The following CCNB1 variants were observed in gnomAD, a reference collection of about 807,000 sequenced individuals.
CCNB1 encodes cyclin B1, also known as G2/mitotic-specific cyclin-B1.
Under a neutral mutation model 44.4 loss-of-function variants are expected in CCNB1, and 26 were observed. The observed-to-expected ratio is 0.59, with a 90% CI of 0.43 to 0.81. CCNB1 has a LOEUF of 0.81. Ranked by LOEUF, CCNB1 falls within the 40% of genes least tolerant of loss-of-function variation. The probability of loss-of-function intolerance (pLI) is 0.00; values close to 1 mark genes in which losing one functional copy is unlikely to be tolerated. For synonymous variants in CCNB1, 195 were observed against 181.4 expected (o/e 1.08, Z -0.60); for missense variants, 477 against 520.9 (o/e 0.92, Z 0.82).
Position 69,171,318 on chromosome 5 carries a change from G to C in CCNB1, c.412G>C (p.Ala138Pro), listed in dbSNP as rs1224023055. The change falls in exon 4 of 9, where the codon GCA becomes CCA. Residue 138 changes from alanine (A) to proline (P), a missense_variant. By Grantham distance (27) the Ala-to-Pro change is conservative. Transcript: ENST00000256442. ...AATGGAAACATCTGGATGTGCCCCT[G>C]CAGAAGAAGACCTGTGTCAGGCTTT... ...SPMETSGCAP[A>P]EEDLCQAFSD... is the part of the protein sequence containing the mutation. 1 of 1,613,764 alleles carries C rather than the reference G, an allele frequency of 6.2e-7. No individual in the cohort carries two copies. The highest frequency in any genetic ancestry group is 8.5e-7 in the Non-Finnish European group (1 of 1,179,884).
intron 4 of CCNB1, among the ~76,000 whole-genome samples, chr5:69,172,454 AC>A: frequency 6.6e-6 from 1 of 151,978 alleles, no homozygotes; most frequent in Non-Finnish European, 1.5e-5. Flanking sequence ...ATGAGGTATC[AC>A]CATATTGGCC....
At chr5:69,169,713 T>G (rs1747416313) in intron 3 of CCNB1, among the ~76,000 whole-genome samples, 2 of 152,014 alleles carry the variant, frequency 1.3e-5, no homozygotes, top group South Asian at 4.1e-4. Context: ...AGTGCAGTGG[T>G]GCCATCTTGG....
At position 69,171,322 on chromosome 5, in the gene CCNB1, A is replaced by T; in HGVS notation, c.416A>T (p.Glu139Val). 6.2e-7 allele frequency: 1 copy of T among 1,613,960 alleles called. No individual in the cohort carries two copies. Among genetic ancestry groups the T allele is most frequent in the Non-Finnish European group, 8.5e-7 (1 of 1,179,932 alleles). The stretch of plus-strand genomic sequence containing the variant: ...GAAACATCTGGATGTGCCCCTGCAG[A>T]AGAAGACCTGTGTCAGGCTTTCTCT... ...PMETSGCAPA[E>V]EDLCQAFSDV... The change falls in exon 4 of 9, where the codon GAA (glutamate) becomes GTA (valine). Residue 139 changes from glutamate (E) to valine (V), a missense_variant. By Grantham distance (121) the Glu-to-Val change is moderately radical. Transcript: ENST00000256442.
intron 4 of CCNB1, among the ~76,000 whole-genome samples, chr5:69,173,707 A>G (rs1215559004): frequency 6.6e-6 from 1 of 152,198 alleles, no homozygotes; most frequent in Non-Finnish European, 1.5e-5. Context: ...GGTGAAGAAT[A>G]TCGTAAGACC....
At chr5:69,169,717 A>T (rs1747416527) in intron 3 of CCNB1, among the ~76,000 whole-genome samples, 1 of 151,740 alleles carries the variant, frequency 6.6e-6, no homozygotes. Flanking sequence ...CAGTGGTGCC[A>T]TCTTGGCTCA....
At position 69,174,858 on chromosome 5, in the gene CCNB1, A is replaced by G; in HGVS notation, c.706-19A>G. ...CCTTTTCAAACATTTTATTCACCCT[A>G]TTGAAATTCCCATTGCAGAATAATT... On this transcript the variant is annotated intron_variant, in intron 5 of 8. Coordinates refer to ENST00000256442, the MANE Select transcript of CCNB1 (RefSeq NM_031966.4). The G allele has an allele frequency of 6.3e-7, 1 of 1,588,226 alleles. No homozygotes were observed. The highest frequency in any genetic ancestry group is 8.6e-7 in the Non-Finnish European group (1 of 1,156,442).
At chr5:69,175,190 A>G in intron 6 of CCNB1, 77 bp downstream of exon 6, 1 of 1,163,826 alleles carries the variant, frequency 8.6e-7, no homozygotes, top group Non-Finnish European at 1.3e-6. Flanking sequence ...CGTTGAATTC[A>G]ACTGACCTGT....
At chr5:69,175,235 G>T in intron 6 of CCNB1, 122 bp downstream of exon 6, 1 of 1,031,688 alleles carries the variant, frequency 9.7e-7, no homozygotes, top group Non-Finnish European at 1.5e-6. Flanking sequence ...GGATAAAGTT[G>T]TTCTTTATTT....
In CCNB1 at chr5:69,171,452, GGTAA is replaced by G. The variant is rs1210750016; in HGVS notation, c.546+4_546+7del. 3 of 1,591,050 alleles carry G rather than the reference GGTAA, an allele frequency of 1.9e-6. No individual in the cohort carries two copies. The highest frequency in any genetic ancestry group is 1.7e-6 in the Non-Finnish European group (2 of 1,170,264). On this transcript the variant is annotated splice_donor_variant and splice_donor_region_variant and intron_variant, in intron 4 of 8. Transcript: ENST00000256442. LOFTEE classifies it high-confidence loss of function. ...TTTATGCTTATCTGAGACAACTTGA[GGTAA>G]GTATTATCATTCGTTTTTTTTCTAA...
intron 7 of CCNB1, 118 bp from the exon 8 acceptor site, chr5:69,177,121 G>T: frequency 1.8e-6 from 1 of 549,254 alleles, no homozygotes; most frequent in South Asian, 2.8e-5. Flanking sequence ...TTAAATTTCA[G>T]TTATATTAAT....
rs1227461536 is a variant in CCNB1, at chr5:69,177,635, G to A, written c.*4G>A. ...CAAGGCTGTGGCAAAGGTGTAACTT[G>A]TAAACTTGAGTTGGAGTACTATATT... On this transcript the variant is annotated 3_prime_UTR_variant, in exon 9 of 9. Coordinates refer to ENST00000256442, the MANE Select transcript of CCNB1 (RefSeq NM_031966.4). The A allele has an allele frequency of 6.4e-7, 1 of 1,557,132 alleles. No homozygotes were observed. Among genetic ancestry groups the A allele is most frequent in the Non-Finnish European group, 8.9e-7 (1 of 1,129,358 alleles).
At chr5:69,177,056 A>G in intron 7 of CCNB1, 183 bp from the exon 8 acceptor site, 1 of 443,138 alleles carries the variant, frequency 2.3e-6, no homozygotes, top group Non-Finnish European at 4.0e-6. Flanking sequence ...AAGTGCAATT[A>G]GGTTTGAGCA....
Position 69,174,936 on chromosome 5 carries a change from A to C in CCNB1, c.765A>C (p.Ala255=). ...QLVGVTAMFI[A]SKYEEMYPPE... ...TTGGTGTCACTGCCATGTTTATTGC[A>C]AGCAAATATGAAGAAATGTACCCTC... Residue 255 remains alanine, a synonymous_variant, in exon 6 of 9, where the codon GCA becomes GCC. Coordinates refer to ENST00000256442, the MANE Select transcript of CCNB1 (RefSeq NM_031966.4). 6.2e-7 allele frequency: 1 copy of C among 1,614,166 alleles called. No individual in the cohort carries two copies. The highest frequency in any genetic ancestry group is 8.5e-7 in the Non-Finnish European group (1 of 1,180,032).
In CCNB1 at chr5:69,175,182, T is replaced by C. The variant is rs536070743; in HGVS notation, c.942+69T>C. 2.4e-6 allele frequency: 3 copies of C among 1,244,086 alleles called. No homozygotes were observed. The South Asian group carries it at 3.7e-5, about 15-fold the overall frequency. 77.1% of individuals were successfully genotyped at this position (1,244,086 alleles called of 1,614,324 possible). A position where few individuals can be genotyped will look rare whatever the true frequency, so the allele number is the denominator to read the frequency against. On this transcript the variant is annotated intron_variant, in intron 6 of 8. Transcript: ENST00000256442. ...GGAACACTGCTGCTGACCAAGCACG[T>C]TGAATTCAACTGACCTGTATTATAC... is the stretch of plus-strand genomic sequence containing the variant.
chr5:69,170,026 C>T (rs887418335), intron 3 of CCNB1, among the ~76,000 whole-genome samples: 5 of 151,470 alleles, frequency 3.3e-5, no homozygotes, highest in Admixed American at 6.6e-5. Context: ...CACAATGGCA[C>T]GATCTTGGCT....
At chr5:69,174,813 T>C in intron 5 of CCNB1, 64 bp from the exon 6 acceptor site, 1 of 1,274,654 alleles carries the variant, frequency 7.8e-7, no homozygotes, top group Non-Finnish European at 1.1e-6. Flanking sequence ...CTACCTCTCC[T>C]TCATCATAGC....
chr5:69,176,602 C>T (rs967630870), intron 7 of CCNB1, among the ~76,000 whole-genome samples: 3 of 150,370 alleles, frequency 2.0e-5, no homozygotes, highest in Non-Finnish European at 4.4e-5. Context: ...GATCTCCTGA[C>T]CTCGTGATCC....
At chr5:69,167,596 C>G (rs1747363623) in intron 1 of CCNB1, 2 of 502,070 alleles carry the variant, frequency 4.0e-6, no homozygotes, top group Admixed American at 7.8e-5. Context: ...CCGCCAGCAA[C>G]TCTGTAACCC....
chr5:69,167,861 C>T (rs1289875845), intron 1 of CCNB1, 47 bp from the exon 2 acceptor site: 9 of 1,535,016 alleles, frequency 5.9e-6, no homozygotes, highest in Admixed American at 2.0e-5. Context: ...CCTTGACTTA[C>T]TCGAGCCTTC....
Sources: gnomAD v4.1 joint callset for allele counts (sites outside exome capture counted in the v4.1 genomes callset) on GRCh38, gnomAD v4.1.1 for gene constraint, MANE v1.5 for transcripts, NCBI Gene and HGNC (gene_info 2026-07-23, HGNC 2026-07-21) for gene names.